KHDC4: variants seen among roughly 807,000 people sequenced by gnomAD.
KHDC4 encodes KH homology domain-containing protein 4.
KHDC4 carries 19 observed loss-of-function variants against 74.5 expected under a neutral mutation model. The ratio of observed to expected loss-of-function variants is 0.26; its 90% CI spans 0.18 to 0.37. The LOEUF (loss-of-function observed/expected upper bound fraction) is 0.37. Among genes scored for constraint, KHDC4 ranks in the 10% least tolerant of loss-of-function variants. The probability of loss-of-function intolerance (pLI) is 1.00; values close to 1 mark genes in which losing one functional copy is unlikely to be tolerated. For missense variants in KHDC4, 632 were observed against 754.1 expected (o/e 0.84, Z 1.90); for synonymous variants, 253 against 266.1 (o/e 0.95, Z 0.48).
At position 155,925,746 on chromosome 1, in the gene KHDC4, A is replaced by C; in HGVS notation, c.779T>G (p.Leu260Trp). The C allele has an allele frequency of 6.2e-7, 1 of 1,614,170 alleles. No homozygotes were observed. The change falls in exon 7 of 14, where the codon TTG becomes TGG. Residue 260 changes from leucine to tryptophan, a missense_variant. Physicochemically the swap from Leu to Trp is moderately conservative, Grantham distance 61. Coordinates refer to ENST00000368321, the MANE Select transcript of KHDC4 (RefSeq NM_014949.4). ...EKVEGPGCSY[L>W]QHIQIETGAK... ...ACCTGTTTCAATCTGAATGTGCTGCAAATAGGAGCAGCCTGGACCTTCCAC... is the reference window on the plus strand; with the variant it reads ...ACCTGTTTCAATCTGAATGTGCTGCCAATAGGAGCAGCCTGGACCTTCCAC...
chr1:155,926,050 C>T lies in KHDC4; in HGVS notation c.682-207G>A, dbSNP rs757015091. ...TCTAGGAGGAATGTATCAGCAAAGT[C>T]TTACTTCATCAGACTCAGCCTTCTT... On this transcript the variant is annotated intron_variant, in intron 6 of 13. Coordinates refer to ENST00000368321, the MANE Select transcript of KHDC4 (RefSeq NM_014949.4). 5.4e-6 allele frequency: 4 copies of T among 735,860 alleles called. No homozygotes were observed. The South Asian group carries it at 5.4e-5, about 10-fold the overall frequency. The allele number at this position is 735,860 out of a possible 1,614,324, so 45.6% of individuals were successfully genotyped here.
At chr1:155,929,468 A>G (rs960665640) in intron 3 of KHDC4, 93 bp from the exon 4 acceptor site, 10 of 1,146,444 alleles carry the variant, frequency 8.7e-6, no homozygotes, top group Non-Finnish European at 1.3e-5. Context: ...TCAACCAAGT[A>G]AAGAAGGAAA....
At chr1:155,923,506 A>G (rs1572009152) in intron 8 of KHDC4, 121 bp downstream of exon 8, 1 of 726,766 alleles carries the variant, frequency 1.4e-6, no homozygotes, top group South Asian at 1.6e-5. Flanking sequence ...ATTTTAAGCC[A>G]CCCAACTGCC....
At chr1:155,916,763 T>C in intron 11 of KHDC4, 26 bp from the exon 12 acceptor site, 1 of 1,469,222 alleles carries the variant, frequency 6.8e-7, no homozygotes, top group Non-Finnish European at 9.5e-7. Context: ...TACAGTGGCA[T>C]TAGCAAATCT....
intron 7 of KHDC4, among the ~76,000 whole-genome samples, chr1:155,924,375 A>AT (rs957730117): frequency 2.0e-5 from 3 of 151,396 alleles, no homozygotes; most frequent in African/African-American, 7.3e-5. Context: ...TGCCTGGCTA[A>AT]TTTTTTTGTT....
chr1:155,929,445 C>T, intron 3 of KHDC4, 70 bp from the exon 4 acceptor site: 1 of 1,257,554 alleles, frequency 8.0e-7, no homozygotes, highest in South Asian at 1.2e-5. Flanking sequence ...AGATTTTCTT[C>T]CCATTCATTC....
At chr1:155,928,593 CAAAAAAAAAA>C (rs10555758) in intron 4 of KHDC4, among the ~76,000 whole-genome samples, 3 of 89,332 alleles carry the variant, frequency 3.4e-5, no homozygotes, top group Admixed American at 2.5e-4. Flanking sequence ...ATCATAAAGA[CAAAAAAAAAA>C]AAAAAAAAAA....
rs754790987 is a variant in KHDC4 at position 155,926,745 on chromosome 1, G to C, written c.612C>G (p.Val204=). ...GAGCGATGGGTGCTGGCTGGTGATAGACAGTTACTGTTGCACCATTAAAAG... is the reference window on the plus strand; with the variant it reads ...GAGCGATGGGTGCTGGCTGGTGATACACAGTTACTGTTGCACCATTAAAAG... ...SPTFNGATVT[V]YHQPAPIAQL... is the part of the protein sequence containing the mutation. The change falls in exon 6 of 14, where the codon GTC becomes GTG. Residue 204 remains valine, a synonymous_variant. Coordinates refer to ENST00000368321, the MANE Select transcript of KHDC4 (RefSeq NM_014949.4). 11 of 1,614,070 alleles carry C rather than the reference G, an allele frequency of 6.8e-6. No individual in the cohort carries two copies. In the South Asian group the frequency reaches 7.7e-5, roughly 11 times the overall value.
intron 4 of KHDC4, among the ~76,000 whole-genome samples, chr1:155,928,159 G>A (rs894099356): frequency 6.6e-6 from 1 of 151,856 alleles, no homozygotes; most frequent in Non-Finnish European, 1.5e-5. Flanking sequence ...AACCACCCGA[G>A]GTCAGGACTT....
chr1:155,923,724 A>C, intron 7 of KHDC4, 37 bp from the exon 8 acceptor site: 1 of 1,495,236 alleles, frequency 6.7e-7, no homozygotes, highest in Non-Finnish European at 9.3e-7. Context: ...AGGAGAGAAA[A>C]ATAAATAAAA....
rs1183548336 is a variant in KHDC4 at position 155,934,300 on chromosome 1, G to T, written c.38+36C>A. The T allele has an allele frequency of 2.5e-5, 40 of 1,603,582 alleles. No homozygotes were observed. The East Asian group carries it at 9.0e-4, about 36-fold the overall frequency. Reference sequence around the variant, plus strand: ...GTCCCTCCGCCTCTCCTGCGCCCCAGTGCTCGCTCCGATGCCCTCGCCCCT... The same window carrying T: ...GTCCCTCCGCCTCTCCTGCGCCCCATTGCTCGCTCCGATGCCCTCGCCCCT... On this transcript the variant is annotated intron_variant, in intron 1 of 13. Coordinates refer to ENST00000368321, the MANE Select transcript of KHDC4 (RefSeq NM_014949.4).
intron 2 of KHDC4, 190 bp downstream of exon 2, chr1:155,933,443 G>GC (rs1342975792): frequency 2.2e-6 from 1 of 456,410 alleles, no homozygotes; most frequent in Non-Finnish European, 4.0e-6. Context: ...GTGCCACCAT[G>GC]CCCGACTAAT....
chr1:155,927,047 G>A (rs980069275), intron 5 of KHDC4, 57 bp downstream of exon 5: 2 of 1,521,458 alleles, frequency 1.3e-6, no homozygotes, highest in African/African-American at 2.7e-5. Context: ...TTGCTATACA[G>A]AGCCCTGTAC....
chr1:155,926,419 T>A, intron 6 of KHDC4: 3 of 359,482 alleles, frequency 8.3e-6, no homozygotes, highest in Admixed American at 4.5e-5. Flanking sequence ...AACCTCCACC[T>A]CCCGGCTTCA....
intron 12 of KHDC4, among the ~76,000 whole-genome samples, 155 bp from the exon 13 acceptor site, chr1:155,916,119 A>G (rs1231796925): frequency 6.6e-6 from 1 of 152,148 alleles, no homozygotes; most frequent in Non-Finnish European, 1.5e-5. Flanking sequence ...CCCCTTTATA[A>G]AAGTATAAGG....
chr1:155,915,693 G>T, intron 13 of KHDC4, 180 bp downstream of exon 13: 1 of 517,686 alleles, frequency 1.9e-6, no homozygotes. Flanking sequence ...TTTTAGTAGA[G>T]ATGGGATTTC....
chr1:155,920,236 G>A (rs534139138), intron 10 of KHDC4, among the ~76,000 whole-genome samples: 4 of 120,034 alleles, frequency 3.3e-5, no homozygotes, highest in South Asian at 6.5e-4. Context: ...TCAGGAGATC[G>A]AGATCATCCT....
chr1:155,915,751 C>T (rs1422359232), intron 13 of KHDC4, 122 bp downstream of exon 13: 8 of 617,344 alleles, frequency 1.3e-5, no homozygotes, highest in Admixed American at 2.9e-5. Flanking sequence ...AGGTGATCTG[C>T]CCACCTCGGC....
chr1:155,918,977 T>G (rs1232371316), intron 10 of KHDC4, among the ~76,000 whole-genome samples: 6 of 149,540 alleles, frequency 4.0e-5, no homozygotes, highest in African/African-American at 7.4e-5. Flanking sequence ...CCCAGTTTTT[T>G]TTTTTTTTTT....
Sources: allele counts gnomAD v4.1 joint callset (sites outside exome capture counted in the v4.1 genomes callset), GRCh38; gene constraint gnomAD v4.1.1; transcripts MANE v1.5; gene names NCBI Gene and HGNC (gene_info 2026-07-23, HGNC 2026-07-21).